Variants in PLEKHB2 observed in about 807,000 individuals in gnomAD.
PLEKHB2 encodes pleckstrin homology domain-containing family B member 2.
PLEKHB2 carries 31 observed loss-of-function variants against 36.5 expected under a neutral mutation model. The observed-to-expected ratio is 0.85, with a 90% CI of 0.64 to 1.15. The LOEUF is 1.15. PLEKHB2 is among the 50% of genes most tolerant of loss of function. The probability of loss-of-function intolerance (pLI) is 0.00; values close to 1 mark genes in which losing one functional copy is unlikely to be tolerated. For missense variants in PLEKHB2, 262 were observed against 295.3 expected (o/e 0.89, Z 0.83); for synonymous variants, 119 against 112.0 (o/e 1.06, Z -0.39).
rs745448543 is a variant in PLEKHB2, at chr2:131,130,795, T to C, written c.333+35T>C. The stretch of plus-strand genomic sequence containing the variant: ...TAATGGCAATCACCAATAATTTTTT[T>C]TTTTTTTGACAAGGTGTCACTCTCA... On this transcript the variant is annotated intron_variant, in intron 5 of 7. Coordinates refer to ENST00000693505, the MANE Select transcript of PLEKHB2 (RefSeq NM_001100623.2). The C allele has an allele frequency of 1.0e-5, 16 of 1,551,368 alleles. 1 individual carries two copies. In the East Asian group the frequency reaches 3.1e-4, roughly 30 times the overall value.
intron 5 of PLEKHB2, among the ~76,000 whole-genome samples, chr2:131,131,754 C>A (rs999093793): frequency 9.8e-5 from 14 of 143,010 alleles, no homozygotes; most frequent in Admixed American, 4.7e-4. Flanking sequence ...TCATGAAAAT[C>A]CCCCTTTTTT....
chr2:131,121,253 A>G (rs1208785042), intron 2 of PLEKHB2, among the ~76,000 whole-genome samples: 1 of 151,974 alleles, frequency 6.6e-6, no homozygotes, highest in Non-Finnish European at 1.5e-5. Context: ...ATTTTAATTT[A>G]TTTTATTTAT....
intron 7 of PLEKHB2, among the ~76,000 whole-genome samples, chr2:131,146,237 C>T (rs1301947977): frequency 6.6e-6 from 1 of 152,034 alleles, no homozygotes; most frequent in Middle Eastern, 3.4e-3. Context: ...AATTGGTTTG[C>T]GTGCATACTA....
At position 131,145,075 on chromosome 2, in the gene PLEKHB2, C is replaced by A. The variant is rs575115877; in HGVS notation, c.533-1562C>A. Among the ~76,000 whole-genome samples the A allele has an allele frequency of 5.9e-5, 9 of 152,238 alleles. No individual in the cohort carries two copies. The East Asian group carries it at 1.7e-3, about 29-fold the overall frequency. On this transcript the variant is annotated intron_variant, in intron 7 of 7. Transcript: ENST00000693505. ...CTTTTGAGTTTTGTCATTCATCATC[C>A]TCTGTTGTATTTGAGGCATTAGTGG...
intron 6 of PLEKHB2, 134 bp from the exon 7 acceptor site, chr2:131,140,033 C>T: frequency 1.7e-6 from 1 of 587,734 alleles, no homozygotes; most frequent in South Asian, 2.3e-5. Flanking sequence ...GGGGCCTAAC[C>T]ACACTGTTTC....
intron 1 of PLEKHB2, among the ~76,000 whole-genome samples, chr2:131,116,378 T>C (rs1197863040): frequency 6.6e-6 from 1 of 152,214 alleles, no homozygotes; most frequent in Non-Finnish European, 1.5e-5. Flanking sequence ...ATTCGTTGTA[T>C]TAGTCTGTTC....
In PLEKHB2 at chr2:131,123,415, C is replaced by T. The variant is rs190407993; in HGVS notation, c.38-2338C>T. ...CCCAGTCCTGGCCTCTGGAGGACAG[C>T]CTGACTTGGGAGTCTGCAGCCAGGG... On this transcript the variant is annotated intron_variant, in intron 2 of 7. Coordinates refer to ENST00000693505, the MANE Select transcript of PLEKHB2 (RefSeq NM_001100623.2). 9.2e-5 allele frequency among the ~76,000 whole-genome samples: 14 copies of T among 152,300 alleles called. No homozygotes were observed. The East Asian group carries it at 2.7e-3, about 29-fold the overall frequency.
intron 7 of PLEKHB2, among the ~76,000 whole-genome samples, chr2:131,146,240 G>T (rs1699276153): frequency 6.6e-6 from 1 of 152,100 alleles, no homozygotes; most frequent in Non-Finnish European, 1.5e-5. Flanking sequence ...TGGTTTGCGT[G>T]CATACTAAGA....
intron 1 of PLEKHB2, among the ~76,000 whole-genome samples, chr2:131,110,952 A>G (rs1391653887): frequency 6.6e-6 from 1 of 151,980 alleles, no homozygotes; most frequent in South Asian, 2.1e-4. Flanking sequence ...ATGGTTTTAT[A>G]GTATTATTTC....
intron 1 of PLEKHB2, chr2:131,120,725 C>T (rs570962801): frequency 2.5e-5 from 16 of 629,978 alleles, no homozygotes; most frequent in Middle Eastern, 4.1e-4. Context: ...AGGCTGAAGG[C>T]GAGTGTGGGA....
intron 1 of PLEKHB2, among the ~76,000 whole-genome samples, chr2:131,113,926 C>G (rs1293377121): frequency 2.0e-5 from 3 of 152,112 alleles, no homozygotes; most frequent in Non-Finnish European, 2.9e-5. Flanking sequence ...AGAATTCTCT[C>G]TTACCCCCAA....
intron 1 of PLEKHB2, among the ~76,000 whole-genome samples, chr2:131,112,819 C>T (rs925190614): frequency 1.3e-5 from 2 of 152,084 alleles, no homozygotes; most frequent in Admixed American, 6.6e-5. Flanking sequence ...AACAGTTAAC[C>T]CTGAGCGTGG....
chr2:131,126,174 G>A (rs751842441), intron 3 of PLEKHB2, among the ~76,000 whole-genome samples: 8 of 152,158 alleles, frequency 5.3e-5, no homozygotes, highest in South Asian at 2.1e-4. Flanking sequence ...CCTAGACTAC[G>A]TTGATTTTGT....
In PLEKHB2 at chr2:131,144,213, TC is replaced by T. The variant is rs1406556399; in HGVS notation, c.533-2423del. Among the ~76,000 whole-genome samples, 4 of 152,294 alleles carry T rather than the reference TC, an allele frequency of 2.6e-5. No homozygotes were observed. The East Asian group carries it at 7.7e-4, about 29-fold the overall frequency. ...AGTCATGCACAGAGCTGGTTAAGGC[TC>T]TCTCTTCAGTGTGATTGGGACCAGT... On this transcript the variant is annotated intron_variant, in intron 7 of 7. Coordinates refer to ENST00000693505, the MANE Select transcript of PLEKHB2 (RefSeq NM_001100623.2).
chr2:131,106,215 G>A (rs975857332), intron 1 of PLEKHB2, among the ~76,000 whole-genome samples: 1 of 152,022 alleles, frequency 6.6e-6, no homozygotes, highest in Non-Finnish European at 1.5e-5. Context: ...GAGGTGGAGT[G>A]GTCACTGTAA....
chr2:131,131,142 G>A (rs1697635310), intron 5 of PLEKHB2, among the ~76,000 whole-genome samples: 1 of 152,186 alleles, frequency 6.6e-6, no homozygotes, highest in Non-Finnish European at 1.5e-5. Flanking sequence ...GGGGAAAACG[G>A]GTTTCTTGAC....
chr2:131,120,876 C>G lies in PLEKHB2; in HGVS notation c.-8-58C>G, dbSNP rs760850885. The G allele has an allele frequency of 2.6e-6, 4 of 1,536,236 alleles. No individual in the cohort carries two copies. The African/African-American group carries it at 5.5e-5, about 21-fold the overall frequency. On this transcript the variant is annotated intron_variant, in intron 1 of 7. Coordinates refer to ENST00000693505, the MANE Select transcript of PLEKHB2 (RefSeq NM_001100623.2). Reference sequence around the variant, plus strand: ...AGGGGATAAGGATAGAGACTCGGGCCGGACAGGCTATTCTCTTTCTGGGTA... The same window carrying G: ...AGGGGATAAGGATAGAGACTCGGGCGGGACAGGCTATTCTCTTTCTGGGTA...
Position 131,146,971 on chromosome 2 carries a change from G to A in PLEKHB2, c.*198G>A. On this transcript the variant is annotated 3_prime_UTR_variant, in exon 8 of 8. Coordinates refer to ENST00000693505, the MANE Select transcript of PLEKHB2 (RefSeq NM_001100623.2). ...AACTGTGCTATTTTGTTCAAATGTT[G>A]ACTCTCCGGGGGCACTGGCTCATTC... 1 of 437,448 alleles carries A rather than the reference G, an allele frequency of 2.3e-6. No individual in the cohort carries two copies. Among genetic ancestry groups the A allele is most frequent in the Non-Finnish European group, 4.0e-6 (1 of 251,570 alleles). The allele number at this position is 437,448 out of a possible 1,614,324, so 27.1% of individuals were successfully genotyped here. A position where few individuals can be genotyped will look rare whatever the true frequency, so the allele number is the denominator to read the frequency against.
intron 5 of PLEKHB2, among the ~76,000 whole-genome samples, chr2:131,131,919 T>C (rs1697747042): frequency 6.6e-6 from 1 of 151,982 alleles, no homozygotes; most frequent in Admixed American, 6.6e-5. Context: ...CTGCAACCTC[T>C]GCCTCCTGGG....
Sources: gnomAD v4.1 joint callset for allele counts (sites outside exome capture counted in the v4.1 genomes callset) on GRCh38, gnomAD v4.1.1 for gene constraint, MANE v1.5 for transcripts, NCBI Gene and HGNC (gene_info 2026-07-23, HGNC 2026-07-21) for gene names.